Variants in ANKRD31 observed in about 807,000 individuals in gnomAD.
ANKRD31 encodes the protein ankyrin repeat domain 31.
ANKRD31 carries 147 observed loss-of-function variants against 186.0 expected under a neutral mutation model. The ratio of observed to expected loss-of-function variants is 0.79; its 90% confidence interval spans 0.69 to 0.91. The LOEUF (loss-of-function observed/expected upper bound fraction) is 0.91. ANKRD31 is among the 40% of genes least tolerant of loss of function. The probability of loss-of-function intolerance (pLI) is 0.00; values close to 1 mark genes in which losing one functional copy is unlikely to be tolerated. For missense variants in ANKRD31, 1,986 were observed against 2,148.8 expected (o/e 0.92, Z 1.50); for synonymous variants, 673 against 736.4 (o/e 0.91, Z 1.39).
Position 75,189,925 on chromosome 5 carries a change from T to C in ANKRD31, c.1409-1277A>G, listed in dbSNP as rs566738862. On this transcript the variant is annotated intron_variant, in intron 9 of 25. Coordinates refer to ENST00000506364, the MANE Select transcript of ANKRD31 (RefSeq NM_001372053.1). ...TTGGTCTTCAAGTGTAAAACCAATCTTGAATTCCTAGGATAAACACCACTT... is the reference window on the plus strand; with the variant it reads ...TTGGTCTTCAAGTGTAAAACCAATCCTGAATTCCTAGGATAAACACCACTT... Among the ~76,000 whole-genome samples, 5 of 152,178 alleles carry C rather than the reference T, an allele frequency of 3.3e-5. No homozygotes were observed. The South Asian group carries it at 6.2e-4, about 19-fold the overall frequency.
intron 6 of ANKRD31, among the ~76,000 whole-genome samples, chr5:75,196,880 T>A (rs918751854): frequency 2.6e-5 from 4 of 152,074 alleles, no homozygotes. Flanking sequence ...TCTCACAATG[T>A]TTCTTTTTTT....
Position 75,104,908 on chromosome 5 carries a change from A to AGTTC in ANKRD31, c.4647_4650dup (p.Tyr1551GlufsTer24). 1 of 1,537,214 alleles carries AGTTC rather than the reference A, an allele frequency of 6.5e-7. No individual in the cohort carries two copies. The highest frequency in any genetic ancestry group is 8.7e-7 in the Non-Finnish European group (1 of 1,146,886). On this transcript the variant is annotated frameshift_variant, in exon 22 of 26. Coordinates refer to ENST00000506364, the MANE Select transcript of ANKRD31 (RefSeq NM_001372053.1). LOFTEE classifies it high-confidence loss of function. ...AGACAAATGTTGGTATTTTGGCTGTAGTTCCAAGTTTCCAGAGACAATTGT... is the reference window on the plus strand; with the variant it reads ...AGACAAATGTTGGTATTTTGGCTGTAGTTCGTTCCAAGTTTCCAGAGACAATTGT...
At chr5:75,211,549 CT>C (rs1561540593) in intron 3 of ANKRD31, among the ~76,000 whole-genome samples, 2 of 152,144 alleles carry the variant, frequency 1.3e-5, no homozygotes, top group East Asian at 3.9e-4. Context: ...CTATGTTTAA[CT>C]TTTTTAAGGA....
At chr5:75,099,189 C>T (rs1035264427) in intron 22 of ANKRD31, among the ~76,000 whole-genome samples, 1 of 152,144 alleles carries the variant, frequency 6.6e-6, no homozygotes, top group African/African-American at 2.4e-5. Context: ...TTGAGATAAT[C>T]ATGGGGTTTT....
At chr5:75,112,439 A>G in intron 20 of ANKRD31, 74 bp downstream of exon 20, 1 of 1,014,534 alleles carries the variant, frequency 9.9e-7, no homozygotes, top group South Asian at 1.8e-5. Flanking sequence ...GTGAGCTTTG[A>G]AATAAATATG....
At chr5:75,206,510 T>C in intron 4 of ANKRD31, 23 bp from the exon 5 acceptor site, 5 of 1,333,300 alleles carry the variant, frequency 3.8e-6, no homozygotes, top group Non-Finnish European at 4.9e-6. Context: ...TTAATAAAAA[T>C]AAATTTTAAA....
At chr5:75,083,587 G>A (rs1025943196) in intron 24 of ANKRD31, among the ~76,000 whole-genome samples, 15 of 151,994 alleles carry the variant, frequency 9.9e-5, no homozygotes, top group African/African-American at 7.3e-5. Flanking sequence ...AAAATTAGCC[G>A]GGCCTGGTAG....
In ANKRD31 at chr5:75,104,524, T is replaced by C. The variant is rs1328370663; in HGVS notation, c.5035A>G (p.Thr1679Ala). 6.5e-7 allele frequency: 1 copy of C among 1,537,036 alleles called. No individual in the cohort carries two copies. Among genetic ancestry groups the C allele is most frequent in the Non-Finnish European group, 8.7e-7 (1 of 1,146,862 alleles). ...CCTGTAGGTGATTGCTGGGAACTTG[T>C]TTTTCTGTTTCCTCTTTTGGGATCA... ...NYDPKRGNRKTSSQQSPTGAS... is the reference protein window; with the variant it reads ...NYDPKRGNRKASSQQSPTGAS... The change falls in exon 22 of 26, where the codon ACA (threonine) becomes GCA (alanine). Residue 1679 changes from threonine to alanine, a missense_variant. By Grantham distance (58) the Thr-to-Ala change is moderately conservative. Transcript: ENST00000506364.
At chr5:75,079,465 CTT>C (rs5868762) in intron 25 of ANKRD31, among the ~76,000 whole-genome samples, 28 of 144,648 alleles carry the variant, frequency 1.9e-4, no homozygotes, top group Admixed American at 4.1e-4. Flanking sequence ...AGCCACCACT[CTT>C]TTTTTTTTTT....
chr5:75,096,591 C>G (rs1280945570), intron 22 of ANKRD31, among the ~76,000 whole-genome samples: 1 of 152,096 alleles, frequency 6.6e-6, no homozygotes, highest in Non-Finnish European at 1.5e-5. Flanking sequence ...TTACCTGTGC[C>G]TATGCCCCAA....
intron 25 of ANKRD31, among the ~76,000 whole-genome samples, chr5:75,073,960 C>G (rs1391353375): frequency 6.6e-6 from 1 of 152,170 alleles, no homozygotes; most frequent in Non-Finnish European, 1.5e-5. Context: ...CCATGAATGG[C>G]TAGTACAGCC....
intron 5 of ANKRD31, among the ~76,000 whole-genome samples, chr5:75,204,932 G>T (rs1322958156): frequency 1.3e-5 from 2 of 152,208 alleles, no homozygotes; most frequent in Admixed American, 1.3e-4. Flanking sequence ...TGTCACCCGG[G>T]CTGGAAACAT....
rs1250573737 is a variant in ANKRD31 at position 75,188,640 on chromosome 5, T to G, written c.1417A>C (p.Lys473Gln). The G allele has an allele frequency of 2.0e-6, 3 of 1,527,336 alleles. No individual in the cohort carries two copies. The Admixed American group carries it at 6.2e-5, about 31-fold the overall frequency. 94.6% of individuals were successfully genotyped at this position (1,527,336 alleles called of 1,614,324 possible). ...EQFSGKKEKM[K>Q]VNKISLHSIN... ...CTATGAAGAGATATTTTGTTCACCTTCATTTTTTCTGAAATGAGGGAATGA... is the reference window on the plus strand; with the variant it reads ...CTATGAAGAGATATTTTGTTCACCTGCATTTTTTCTGAAATGAGGGAATGA... Residue 473 changes from lysine to glutamine, a missense_variant, in exon 10 of 26, where the codon AAG becomes CAG. Physicochemically the swap from Lys to Gln is moderately conservative, Grantham distance 53. Transcript: ENST00000506364.
At chr5:75,150,089 T>C (rs1376815720) in intron 12 of ANKRD31, among the ~76,000 whole-genome samples, 1 of 151,916 alleles carries the variant, frequency 6.6e-6, no homozygotes, top group East Asian at 1.9e-4. Flanking sequence ...TGTGTTGAGA[T>C]ATTTACATAT....
At chr5:75,177,447 T>G (rs1753899722) in intron 10 of ANKRD31, among the ~76,000 whole-genome samples, 1 of 151,852 alleles carries the variant, frequency 6.6e-6, no homozygotes, top group African/African-American at 2.4e-5. Context: ...TCACCAAAGT[T>G]GAAATGAAGG....
chr5:75,123,614 A>G (rs1232515782), intron 17 of ANKRD31, among the ~76,000 whole-genome samples: 4 of 152,140 alleles, frequency 2.6e-5, no homozygotes, highest in Non-Finnish European at 5.9e-5. Context: ...GTAAAAGAAT[A>G]AAAGAATAGA....
intron 25 of ANKRD31, among the ~76,000 whole-genome samples, chr5:75,070,414 T>A (rs1206190487): frequency 1.3e-5 from 2 of 152,234 alleles, no homozygotes; most frequent in Non-Finnish European, 2.9e-5. Flanking sequence ...AATTTGTTTA[T>A]AATTCATAAT....
At chr5:75,182,776 C>G (rs904052041) in intron 10 of ANKRD31, among the ~76,000 whole-genome samples, 4 of 150,602 alleles carry the variant, frequency 2.7e-5, no homozygotes, top group African/African-American at 9.7e-5. Flanking sequence ...TAACCACAAC[C>G]AAATATTACT....
chr5:75,229,584 G>A (rs1757818955), intron 2 of ANKRD31, among the ~76,000 whole-genome samples: 1 of 152,000 alleles, frequency 6.6e-6, no homozygotes, highest in South Asian at 2.1e-4. Flanking sequence ...TGTCAACATT[G>A]ATTTTAAAAA....
Sources: allele counts gnomAD v4.1 joint callset (sites outside exome capture counted in the v4.1 genomes callset), GRCh38; gene constraint gnomAD v4.1.1; transcripts MANE v1.5; gene names NCBI Gene and HGNC (gene_info 2026-07-23, HGNC 2026-07-21).